Variants in TJP1 observed in about 807,000 individuals in gnomAD.
TJP1 encodes the protein tight junction protein ZO-1.
A neutral mutation model predicts 194.2 loss-of-function variants in TJP1; 43 were observed. The observed-to-expected ratio is 0.22, with a 90% CI of 0.17 to 0.29. TJP1 has a LOEUF of 0.29. Among genes scored for constraint, TJP1 ranks in the 10% least tolerant of loss-of-function variants. The pLI is 1.00. For synonymous variants in TJP1, 801 were observed against 779.0 expected (o/e 1.03, Z -0.47); for missense variants, 1,971 against 2,185.7 (o/e 0.90, Z 1.96).
At chr15:29,820,054 C>T (rs568407990) in intron 1 of TJP1, among the ~76,000 whole-genome samples, 3 of 152,100 alleles carry the variant, frequency 2.0e-5, no homozygotes, top group South Asian at 2.1e-4. Flanking sequence ...ACAAACTATT[C>T]AACCATTATA....
chr15:29,730,660 C>T (rs1233268269), intron 15 of TJP1: 4 of 713,196 alleles, frequency 5.6e-6, no homozygotes, highest in South Asian at 4.2e-5. Flanking sequence ...GACCAAAGCC[C>T]GCGTGCCGCT....
At chr15:29,761,085 C>T (rs1456252719) in intron 8 of TJP1, 54 bp downstream of exon 8, 6 of 1,474,458 alleles carry the variant, frequency 4.1e-6, no homozygotes, top group Non-Finnish European at 5.4e-6. Flanking sequence ...ATTTCAGATA[C>T]TGGTATCAAG....
Position 29,780,842 on chromosome 15 carries a change from A to G in TJP1, c.85-7485T>C, listed in dbSNP as rs901821100. Among the ~76,000 whole-genome samples the G allele has an allele frequency of 1.7e-4, 26 of 152,212 alleles. 1 individual carries two copies. Among genetic ancestry groups the G allele is most frequent in the African/African-American group, 6.3e-4 (26 of 41,456 alleles). On this transcript the variant is annotated intron_variant, in intron 2 of 27. Coordinates refer to ENST00000614355, the MANE Select transcript of TJP1 (RefSeq NM_001330239.4). ...AACATCTTAAGAGAAAAAGTAAAAA[A>G]GAAATCAACCTAACATCCTAACATT...
intron 2 of TJP1, among the ~76,000 whole-genome samples, chr15:29,949,625 TCC>T (rs2055532441): frequency 1.5e-4 from 5 of 33,642 alleles, no homozygotes; most frequent in African/African-American, 2.5e-4. Flanking sequence ...CACCACCACC[TCC>T]ACCTCCACCA....
chr15:29,950,112 C>G lies in TJP1; in HGVS notation c.306+6120G>C. Among the ~76,000 whole-genome samples, 4 of 100,476 alleles carry G rather than the reference C, an allele frequency of 4.0e-5. 2 individuals carry two copies. Among genetic ancestry groups the G allele is most frequent in the South Asian group, 7.0e-4 (2 of 2,838 alleles). The allele number at this position is 100,476 out of a possible 152,430, so 65.9% of individuals were successfully genotyped here. A position where few individuals can be genotyped will look rare whatever the true frequency, so the allele number is the denominator to read the frequency against. On this transcript the variant is annotated intron_variant, in intron 2 of 28. Transcript: ENST00000356107. ...TTCACCACCACCTCCACCACCACCACCTCCACAACCACCACCTCCACCACC... is the reference window on the plus strand; with the variant it reads ...TTCACCACCACCTCCACCACCACCAGCTCCACAACCACCACCTCCACCACC...
chr15:29,733,810 C>T (rs988289912), intron 12 of TJP1, among the ~76,000 whole-genome samples: 1 of 152,172 alleles, frequency 6.6e-6, no homozygotes, highest in Non-Finnish European at 1.5e-5. Context: ...CCTAAAACCA[C>T]ATTATTTGGT....
intron 2 of TJP1, among the ~76,000 whole-genome samples, chr15:29,897,660 A>T (rs546814523): frequency 8.5e-5 from 13 of 152,276 alleles, no homozygotes; most frequent in African/African-American, 2.4e-4. Context: ...GTACCCTGAA[A>T]AGCCACAGGG....
intron 1 of TJP1, among the ~76,000 whole-genome samples, chr15:29,811,105 A>T (rs1367797356): frequency 6.6e-6 from 1 of 152,158 alleles, no homozygotes; most frequent in Non-Finnish European, 1.5e-5. Flanking sequence ...GGAACCAAAA[A>T]GAGGAAAGCA....
At chr15:29,895,296 T>C (rs2053442243) in intron 2 of TJP1, among the ~76,000 whole-genome samples, 1 of 152,202 alleles carries the variant, frequency 6.6e-6, no homozygotes, top group African/African-American at 2.4e-5. Context: ...CATTATTCTC[T>C]TCTCACATTT....
chr15:29,882,448 T>C (rs2052969432), intron 2 of TJP1, among the ~76,000 whole-genome samples: 1 of 152,162 alleles, frequency 6.6e-6, no homozygotes, highest in South Asian at 2.1e-4. Context: ...TAAAAATGAT[T>C]TTGTGACTTT....
intron 2 of TJP1, among the ~76,000 whole-genome samples, chr15:29,787,499 A>C (rs200629971): frequency 6.6e-6 from 1 of 152,126 alleles, no homozygotes; most frequent in Non-Finnish European, 1.5e-5. Flanking sequence ...GAAACTCCGC[A>C]TTCTTTAGCC....
chr15:29,950,776 G>C (rs891641711), intron 2 of TJP1, among the ~76,000 whole-genome samples: 1 of 152,154 alleles, frequency 6.6e-6, no homozygotes, highest in Non-Finnish European at 1.5e-5. Context: ...GAAAAACTTA[G>C]GATGTGTTTA....
chr15:29,730,545 A>G (rs1269621322), intron 15 of TJP1, among the ~76,000 whole-genome samples: 1 of 151,814 alleles, frequency 6.6e-6, no homozygotes, highest in Non-Finnish European at 1.5e-5. Context: ...TACAGTGAGC[A>G]ATGATCTAAC....
chr15:29,965,724 G>A (rs954372456), intron 1 of TJP1, among the ~76,000 whole-genome samples: 8 of 152,260 alleles, frequency 5.3e-5, no homozygotes, highest in Admixed American at 2.6e-4. Flanking sequence ...AATCCAAAGC[G>A]TATAAGAGAA....
At chr15:29,852,723 T>C (rs768423737) in intron 2 of TJP1, among the ~76,000 whole-genome samples, 10 of 152,014 alleles carry the variant, frequency 6.6e-5, no homozygotes, top group Non-Finnish European at 1.3e-4. Context: ...AGCCTCAAAA[T>C]GGAGAAACCC....
At chr15:29,786,106 G>A (rs1443338078) in intron 2 of TJP1, among the ~76,000 whole-genome samples, 1 of 152,134 alleles carries the variant, frequency 6.6e-6, no homozygotes, top group East Asian at 1.9e-4. Flanking sequence ...CTACCAACTT[G>A]GTAGTTCTCA....
intron 2 of TJP1, among the ~76,000 whole-genome samples, chr15:29,830,334 T>C (rs1264456967): frequency 6.7e-6 from 1 of 149,644 alleles, no homozygotes; most frequent in South Asian, 2.1e-4. Context: ...ATGATAAATG[T>C]ATAATAATTA....
rs1474663304 is a variant in TJP1 at position 29,708,774 on chromosome 15, A to G, written c.4635T>C (p.Ser1545=). ...SARPFERKFE[S]PKFNHNLLPS... is the part of the protein sequence containing the mutation. ...GCAGAAGATTGTGATTGAATTTAGG[A>G]CTTTCAAACTTGCGTTCAAATGGTC... Residue 1545 remains serine (S), a synonymous_variant, in exon 25 of 28, where the codon AGT becomes AGC. Transcript: ENST00000614355. The G allele has an allele frequency of 6.2e-7, 1 of 1,614,190 alleles. No individual in the cohort carries two copies. The highest frequency in any genetic ancestry group is 1.1e-5 in the South Asian group (1 of 91,084).
At chr15:29,868,236 C>A (rs893965222) in intron 2 of TJP1, among the ~76,000 whole-genome samples, 1 of 152,048 alleles carries the variant, frequency 6.6e-6, no homozygotes, top group Non-Finnish European at 1.5e-5. Context: ...AAAAAATCAG[C>A]GGCAATAGCT....
Sources: allele counts gnomAD v4.1 joint callset (sites outside exome capture counted in the v4.1 genomes callset), GRCh38; gene constraint gnomAD v4.1.1; transcripts MANE v1.5; gene names NCBI Gene and HGNC (gene_info 2026-07-23, HGNC 2026-07-21).